The following IARS2 variants were observed in gnomAD, a reference collection of about 807,000 sequenced individuals.
IARS2 encodes the protein isoleucyl-tRNA synthetase 2, mitochondrial.
IARS2 carries 56 observed loss-of-function variants against 126.3 expected under a neutral mutation model. That is an observed-to-expected ratio of 0.44 (90% CI 0.36 to 0.55). The LOEUF (loss-of-function observed/expected upper bound fraction) is 0.55, where lower values mean the gene tolerates loss of function less well. IARS2 is among the 20% of genes least tolerant of loss of function. IARS2 has a pLI of 0.00. For synonymous variants in IARS2, 407 were observed against 441.1 expected, an observed-to-expected ratio of 0.92 and a Z score of 0.97; for missense variants, 1,127 against 1,245.9, an observed-to-expected ratio of 0.90 and a Z score of 1.44.
intron 12 of IARS2, among the ~76,000 whole-genome samples, chr1:220,114,836 C>T (rs1354217910): frequency 1.3e-5 from 2 of 152,094 alleles, no homozygotes; most frequent in Non-Finnish European, 2.9e-5. Context: ...GTCTGCTTTC[C>T]TTTTCAGTGG....
intron 15 of IARS2, among the ~76,000 whole-genome samples, chr1:220,135,928 TC>T (rs1409723575): frequency 6.6e-6 from 1 of 151,432 alleles, no homozygotes; most frequent in African/African-American, 2.4e-5. Context: ...GTGACTAATC[TC>T]CACTCCCACC....
At chr1:220,144,642 T>C (rs1031618702) in intron 21 of IARS2, among the ~76,000 whole-genome samples, 5 of 152,214 alleles carry the variant, frequency 3.3e-5, no homozygotes, top group African/African-American at 9.6e-5. Context: ...CCTTTTTTCC[T>C]ACATACTGTG....
chr1:220,112,847 A>G (rs887017095), intron 11 of IARS2, among the ~76,000 whole-genome samples: 1 of 151,016 alleles, frequency 6.6e-6, no homozygotes, highest in Non-Finnish European at 1.5e-5. Flanking sequence ...GTGTCAGCCA[A>G]AGATAAACTC....
chr1:220,116,546 T>G (rs1656916643), intron 12 of IARS2, among the ~76,000 whole-genome samples: 1 of 152,050 alleles, frequency 6.6e-6, no homozygotes, highest in East Asian at 1.9e-4. Flanking sequence ...TAAGAGTATG[T>G]TTTAGGAAAA....
At chr1:220,136,697 G>A (rs1571862571) in intron 15 of IARS2, 112 bp from the exon 16 acceptor site, 77 of 401,430 alleles carry the variant, frequency 1.9e-4, no homozygotes, top group South Asian at 8.0e-4. Context: ...AATCAGTCAA[G>A]AAAAATCATA....
chr1:220,143,754 C>A (rs184242317), intron 21 of IARS2, among the ~76,000 whole-genome samples: 70 of 152,208 alleles, frequency 4.6e-4, no homozygotes, highest in Non-Finnish European at 7.6e-4. Context: ...ACATATATTT[C>A]AAAGCATTTA....
intron 14 of IARS2, among the ~76,000 whole-genome samples, chr1:220,132,700 G>A (rs540536935): frequency 3.3e-5 from 5 of 151,382 alleles, no homozygotes; most frequent in East Asian, 2.0e-4. Flanking sequence ...TAATGTTTGC[G>A]TTTTTAGTAG....
chr1:220,140,384 T>C, intron 19 of IARS2, 95 bp downstream of exon 19: 2 of 733,678 alleles, frequency 2.7e-6, no homozygotes, highest in East Asian at 5.2e-5. Flanking sequence ...GGCGGGTGGA[T>C]GACATGAGGC....
At chr1:220,122,962 A>G (rs1317097729) in intron 12 of IARS2, among the ~76,000 whole-genome samples, 1 of 151,264 alleles carries the variant, frequency 6.6e-6, no homozygotes, top group African/African-American at 2.4e-5. Flanking sequence ...AATGACACCC[A>G]TTTTTAGAAT....
At chr1:220,116,894 G>C (rs1017287086) in intron 12 of IARS2, among the ~76,000 whole-genome samples, 1 of 151,670 alleles carries the variant, frequency 6.6e-6, no homozygotes, top group African/African-American at 2.4e-5. Flanking sequence ...CTACAGGCAC[G>C]CGCCACTGAC....
At chr1:220,106,773 C>T (rs771740207) in intron 9 of IARS2, among the ~76,000 whole-genome samples, 2 of 151,884 alleles carry the variant, frequency 1.3e-5, no homozygotes, top group African/African-American at 4.8e-5. Flanking sequence ...GCTGGGACTA[C>T]AGGTGCACAC....
chr1:220,139,903 T>C (rs1657452566), intron 18 of IARS2, among the ~76,000 whole-genome samples: 2 of 152,222 alleles, frequency 1.3e-5, no homozygotes, highest in South Asian at 4.1e-4. Context: ...GTCCACTGTT[T>C]GCTGTTGTTA....
intron 20 of IARS2, among the ~76,000 whole-genome samples, chr1:220,142,216 A>G (rs1317458426): frequency 6.6e-6 from 1 of 152,152 alleles, no homozygotes; most frequent in African/African-American, 2.4e-5. Flanking sequence ...CTGTTCTGAA[A>G]TGGCTGGCAT....
At position 220,125,312 on chromosome 1, in the gene IARS2, A is replaced by G; in HGVS notation, c.1716A>G (p.Gln572=). 2 of 1,613,134 alleles carry G rather than the reference A, an allele frequency of 1.2e-6. No homozygotes were observed. Among genetic ancestry groups the G allele is most frequent in the Non-Finnish European group, 1.7e-6 (2 of 1,179,170 alleles). Residue 572 remains glutamine (Q), a synonymous_variant, in exon 13 of 23, where the codon CAA becomes CAG. Transcript: ENST00000366922. ...TCTGGTGGACTCTTCCCCCTGAACAACTTCTTCCAAAAGAAGTCTTATCTG... is the reference window on the plus strand; with the variant it reads ...TCTGGTGGACTCTTCCCCCTGAACAGCTTCTTCCAAAAGAAGTCTTATCTG... ...SDIWWTLPPE[Q]LLPKEVLSEV...
At chr1:220,113,975 A>C (rs1195750543) in intron 11 of IARS2, among the ~76,000 whole-genome samples, 1 of 152,226 alleles carries the variant, frequency 6.6e-6, no homozygotes, top group East Asian at 1.9e-4. Flanking sequence ...GAAGTATAAT[A>C]GTTCTATGAA....
chr1:220,110,984 A>G, intron 11 of IARS2, 47 bp downstream of exon 11: 1 of 1,571,774 alleles, frequency 6.4e-7, no homozygotes, highest in Non-Finnish European at 8.7e-7. Context: ...TCATTCCCTC[A>G]GTATAAAGGG....
chr1:220,105,213 T>A (rs1656654073), intron 8 of IARS2, among the ~76,000 whole-genome samples: 1 of 152,160 alleles, frequency 6.6e-6, no homozygotes, highest in Admixed American at 6.6e-5. Context: ...GTGCTGCAAT[T>A]ACAGACATGA....
chr1:220,105,459 A>T (rs1656659602), intron 8 of IARS2, among the ~76,000 whole-genome samples: 1 of 152,196 alleles, frequency 6.6e-6, no homozygotes. Context: ...TATCCCTGTC[A>T]AAATAAGCTG....
chr1:220,136,435 T>C (rs1194593185), intron 15 of IARS2, among the ~76,000 whole-genome samples: 2 of 151,970 alleles, frequency 1.3e-5, no homozygotes, highest in Non-Finnish European at 2.9e-5. Context: ...CCCAGCCGAA[T>C]TTGACTTTTA....
Sources: gnomAD v4.1 joint callset for allele counts (sites outside exome capture counted in the v4.1 genomes callset) on GRCh38, gnomAD v4.1.1 for gene constraint, MANE v1.5 for transcripts, NCBI Gene and HGNC (gene_info 2026-07-23, HGNC 2026-07-21) for gene names.